MIER1: variants seen among roughly 807,000 people sequenced by gnomAD.
MIER1 encodes the protein mesoderm induction early response protein 1.
A neutral mutation model predicts 75.7 loss-of-function variants in MIER1; 40 were observed. The observed-to-expected ratio is 0.53, with a 90% CI of 0.41 to 0.69. The LOEUF (loss-of-function observed/expected upper bound fraction) is 0.69, where lower values mean the gene tolerates loss of function less well. MIER1 is among the 30% of genes least tolerant of loss of function. The pLI is 0.00. For missense variants in MIER1, 574 were observed against 680.2 expected, an observed-to-expected ratio of 0.84 and a Z score of 1.74; for synonymous variants, 213 against 223.4, an observed-to-expected ratio of 0.95 and a Z score of 0.42.
Position 66,958,981 on chromosome 1 carries a change from CAAGT to C in MIER1, c.634+3_634+6del. 6.2e-7 allele frequency: 1 copy of C among 1,611,596 alleles called. No homozygotes were observed. The highest frequency in any genetic ancestry group is 8.5e-7 in the Non-Finnish European group (1 of 1,178,370). ...CCACGTCGATGTAAATATTTTGATA[CAAGT>C]AAGTGTTACTGGTTGATAATATTTG... On this transcript the variant is annotated splice_donor_variant and coding_sequence_variant, in exon 6 of 14. Coordinates refer to ENST00000401041, the MANE Select transcript of MIER1 (RefSeq NM_001077700.3). LOFTEE classifies it high-confidence loss of function.
rs532294980 is a variant in MIER1, at chr1:66,931,970, G to A, written c.168+5728G>A. Among the ~76,000 whole-genome samples the A allele has an allele frequency of 3.3e-5, 5 of 152,148 alleles. No homozygotes were observed. The East Asian group carries it at 7.7e-4, about 24-fold the overall frequency. ...GATGGTTTGAGCTTTGAGGTGTGTA[G>A]TCATATACTAAGGCAAGATATTACT... On this transcript the variant is annotated intron_variant, in intron 2 of 13. Coordinates refer to ENST00000401041, the MANE Select transcript of MIER1 (RefSeq NM_001077700.3).
Position 66,926,453 on chromosome 1 carries a change from A to G in MIER1, c.168+211A>G, listed in dbSNP as rs112502115. Among the ~76,000 whole-genome samples the G allele has an allele frequency of 3.2e-3, 489 of 152,352 alleles. 5 individuals are homozygous for G. Among genetic ancestry groups the G allele is most frequent in the African/African-American group, 0.011 (463 of 41,580 alleles). The stretch of plus-strand genomic sequence containing the variant: ...TTCTGATAAAATGGGGCCACTGGAT[A>G]AAACTGTAAAAATTATGAAAAGAAA... On this transcript the variant is annotated intron_variant, in intron 2 of 13. Coordinates refer to ENST00000401041, the MANE Select transcript of MIER1 (RefSeq NM_001077700.3).
At chr1:66,981,348 A>G (rs1375116482) in intron 12 of MIER1, among the ~76,000 whole-genome samples, 6 of 152,224 alleles carry the variant, frequency 3.9e-5, no homozygotes, top group Non-Finnish European at 7.3e-5. Context: ...TTAGGAGGTA[A>G]TCAGTCCTTT....
intron 2 of MIER1, among the ~76,000 whole-genome samples, chr1:66,935,433 A>G (rs1249843263): frequency 6.6e-6 from 1 of 152,196 alleles, no homozygotes. Flanking sequence ...CATCTCAGAT[A>G]AGATAAATAT....
intron 12 of MIER1, among the ~76,000 whole-genome samples, chr1:66,977,524 G>A (rs1664965946): frequency 6.6e-6 from 1 of 152,112 alleles, no homozygotes; most frequent in African/African-American, 2.4e-5. Flanking sequence ...TAACTCTAGT[G>A]TAGTCCCATT....
At chr1:66,926,882 A>G (rs1241415768) in intron 2 of MIER1, among the ~76,000 whole-genome samples, 1 of 152,128 alleles carries the variant, frequency 6.6e-6, no homozygotes, top group Non-Finnish European at 1.5e-5. Flanking sequence ...GCATTTTGAG[A>G]GGTACCTTTT....
intron 10 of MIER1, among the ~76,000 whole-genome samples, chr1:66,972,257 T>TAG (rs1663839384): frequency 1.4e-5 from 1 of 69,212 alleles, no homozygotes; most frequent in Non-Finnish European, 3.3e-5. Flanking sequence ...TATATATATA[T>TAG]ATATAGATAT....
intron 4 of MIER1, among the ~76,000 whole-genome samples, chr1:66,950,947 A>T (rs1658794196): frequency 6.6e-6 from 1 of 152,100 alleles, no homozygotes. Flanking sequence ...CAGTTTTGGT[A>T]CAACAGGTGT....
intron 4 of MIER1, among the ~76,000 whole-genome samples, chr1:66,956,613 A>G (rs1660183298): frequency 6.6e-6 from 1 of 152,176 alleles, no homozygotes; most frequent in African/African-American, 2.4e-5. Flanking sequence ...ACAGTGTAAG[A>G]GCTGTCATTT....
Position 66,987,285 on chromosome 1 carries a change from C to G in MIER1, c.*2385C>G, listed in dbSNP as rs898173640. ...ACTATTTAAAAAGTTTTAGTAATAT[C>G]ATGAATTTAATTTGCTTAAGATTTA... On this transcript the variant is annotated 3_prime_UTR_variant, in exon 14 of 14. Coordinates refer to ENST00000401041, the MANE Select transcript of MIER1 (RefSeq NM_001077700.3). 1 of 151,582 alleles carries G rather than the reference C, an allele frequency of 6.6e-6. No individual in the cohort carries two copies. Among genetic ancestry groups the G allele is most frequent in the Non-Finnish European group, 1.5e-5 (1 of 67,966 alleles). 9.4% of individuals were successfully genotyped at this position (151,582 alleles called of 1,614,324 possible).
rs6681625 is a variant in MIER1 at position 66,985,804 on chromosome 1, G to A, written c.*904G>A. The A allele has an allele frequency of 0.049, 40,746 of 839,530 alleles. 3,500 individuals are homozygous for A. Among genetic ancestry groups the A allele is most frequent in the African/African-American group, 0.35 (18,250 of 52,260 alleles). The allele number at this position is 839,530 out of a possible 1,614,324, so 52.0% of individuals were successfully genotyped here. A position where few individuals can be genotyped will look rare whatever the true frequency, so the allele number is the denominator to read the frequency against. On this transcript the variant is annotated 3_prime_UTR_variant, in exon 14 of 14. Coordinates refer to ENST00000401041, the MANE Select transcript of MIER1 (RefSeq NM_001077700.3). ...TCCAGGTGGTTAAAGCATTCATAAA[G>A]GATTATAAAATTTTTTTTTTTTTTT...
At chr1:66,935,707 C>G (rs914419109) in intron 2 of MIER1, among the ~76,000 whole-genome samples, 1 of 152,160 alleles carries the variant, frequency 6.6e-6, no homozygotes, top group Admixed American at 6.6e-5. Context: ...CTATTGTTAA[C>G]AGGTTCTTGT....
In MIER1 at chr1:66,945,308, TATATATATAA is replaced by T. The variant is rs1221371545; in HGVS notation, c.194-840_194-831del. Among the ~76,000 whole-genome samples the T allele has an allele frequency of 4.1e-3, 561 of 137,466 alleles. 5 individuals are homozygous for T. The highest frequency in any genetic ancestry group is 6.7e-3 in the Non-Finnish European group (422 of 63,162). The allele number at this position is 137,466 out of a possible 152,430, so 90.2% of individuals were successfully genotyped here. Reference sequence around the variant, plus strand: ...ATATATATATATATATATATATATATATATATATAAAATACCTAATATAGGTAAATGCTAT... The same window carrying T: ...ATATATATATATATATATATATATATAATACCTAATATAGGTAAATGCTAT... On this transcript the variant is annotated intron_variant, in intron 3 of 13. Coordinates refer to ENST00000401041, the MANE Select transcript of MIER1 (RefSeq NM_001077700.3).
chr1:66,925,160 G>C, intron 1 of MIER1, 65 bp downstream of exon 1: 1 of 1,526,090 alleles, frequency 6.6e-7, no homozygotes, highest in Non-Finnish European at 8.8e-7. Flanking sequence ...GGGCTCCTGA[G>C]GTGTCCTCAG....
intron 4 of MIER1, among the ~76,000 whole-genome samples, chr1:66,952,333 A>G (rs1443277455): frequency 6.6e-6 from 1 of 152,232 alleles, no homozygotes; most frequent in Non-Finnish European, 1.5e-5. Context: ...GGTGACTGAC[A>G]GGCCCTGGTA....
intron 4 of MIER1, among the ~76,000 whole-genome samples, chr1:66,957,729 G>A (rs1660454856): frequency 6.6e-6 from 1 of 151,448 alleles, no homozygotes; most frequent in African/African-American, 2.4e-5. Context: ...ATTAAGAGTG[G>A]GCATCCATGC....
intron 2 of MIER1, among the ~76,000 whole-genome samples, chr1:66,928,326 C>T (rs936070336): frequency 6.6e-6 from 1 of 152,094 alleles, no homozygotes; most frequent in African/African-American, 2.4e-5. Flanking sequence ...ACTATGATCC[C>T]CTGCTCTTTA....
At chr1:66,979,079 T>C (rs1025392195) in intron 12 of MIER1, among the ~76,000 whole-genome samples, 10 of 152,106 alleles carry the variant, frequency 6.6e-5, no homozygotes, top group African/African-American at 2.4e-4. Context: ...TAGGCTTCAG[T>C]TGTAGCCCCA....
At chr1:66,965,438 CTT>C (rs1443351161) in intron 8 of MIER1, among the ~76,000 whole-genome samples, 1 of 151,588 alleles carries the variant, frequency 6.6e-6, no homozygotes, top group Non-Finnish European at 1.5e-5. Flanking sequence ...TTGCAGTATA[CTT>C]TGTTTTTTAT....
Sources: allele counts gnomAD v4.1 joint callset (sites outside exome capture counted in the v4.1 genomes callset), GRCh38; gene constraint gnomAD v4.1.1; transcripts MANE v1.5; gene names NCBI Gene and HGNC (gene_info 2026-07-23, HGNC 2026-07-21).